Variants in MUC17 observed in about 807,000 individuals in gnomAD.
MUC17 encodes mucin 17, cell surface associated, also known as mucin-17.
In MUC17, 190 loss-of-function variants were observed where a neutral mutation model predicts 170.3. The observed-to-expected ratio is 1.12, with a 90% confidence interval of 0.99 to 1.26. The LOEUF (loss-of-function observed/expected upper bound fraction) is 1.26. Ranked by LOEUF, MUC17 falls within the 50% of genes most tolerant of loss-of-function variation. The pLI is 0.00. For synonymous variants in MUC17, 2,325 were observed against 2,002.5 expected, an observed-to-expected ratio of 1.16 and a Z score of -4.30; for missense variants, 6,415 against 5,530.0, an observed-to-expected ratio of 1.16 and a Z score of -5.08.
Position 101,040,309 on chromosome 7 carries a change from G to A in MUC17, c.8893G>A (p.Ala2965Thr), listed in dbSNP as rs1376424050. The A allele has an allele frequency of 6.2e-7, 1 of 1,612,094 alleles. No individual in the cohort carries two copies. Among genetic ancestry groups the A allele is most frequent in the South Asian group, 1.1e-5 (1 of 90,868 alleles). ...GACACCTGTCACCACTTCTGCTGAA[G>A]CTAGTTCTTCTCCTACAACTGCTGA... Reference protein sequence around the residue: ...TRTPVTTSAEASSSPTTAEGT... With the variant: ...TRTPVTTSAETSSSPTTAEGT... Residue 2965 changes from alanine to threonine, a missense_variant, in exon 3 of 13, where the codon GCT becomes ACT. Coordinates refer to ENST00000306151, the MANE Select transcript of MUC17 (RefSeq NM_001040105.2).
chr7:101,028,341 G>A (rs189951103), intron 1 of MUC17, among the ~76,000 whole-genome samples: 5 of 151,818 alleles, frequency 3.3e-5, no homozygotes, highest in Admixed American at 6.6e-5. Flanking sequence ...TGCCCGCCTC[G>A]GCCTCTCAAA....
intron 7 of MUC17, among the ~76,000 whole-genome samples, chr7:101,051,364 C>CAAAAAAAA (rs398005597): frequency 5.8e-5 from 3 of 52,146 alleles, no homozygotes; most frequent in African/African-American, 8.9e-5. Flanking sequence ...TACTCCATCT[C>CAAAAAAAA]AAAAAAAAAA....
At chr7:101,048,676 A>G (rs1794883951) in intron 4 of MUC17, among the ~76,000 whole-genome samples, 169 bp from the exon 5 acceptor site, 1 of 152,058 alleles carries the variant, frequency 6.6e-6, no homozygotes, top group African/African-American at 2.4e-5. Context: ...GAAAATGAAT[A>G]AAAAGGAAAG....
At chr7:101,046,463 T>C (rs1794843046) in intron 3 of MUC17, among the ~76,000 whole-genome samples, 1 of 152,194 alleles carries the variant, frequency 6.6e-6, no homozygotes, top group African/African-American at 2.4e-5. Flanking sequence ...GGAGTTTATT[T>C]GTTGAATTGC....
rs1474321585 is a variant in MUC17, at chr7:101,037,722, T to C, written c.6306T>C (p.Pro2102=). 1 of 1,613,474 alleles carries C rather than the reference T, an allele frequency of 6.2e-7. No homozygotes were observed. The highest frequency in any genetic ancestry group is 8.5e-7 in the Non-Finnish European group (1 of 1,179,836). ...MTISAPSEGS[P]LLTSIPLSTT... is the part of the protein sequence containing the mutation. The stretch of plus-strand genomic sequence containing the variant: ...TCTCAGCTCCTAGTGAAGGAAGTCC[T>C]CTACTAACAAGTATACCTCTCAGCA... Residue 2102 remains proline, a synonymous_variant, in exon 3 of 13, where the codon CCT becomes CCC. Coordinates refer to ENST00000306151, the MANE Select transcript of MUC17 (RefSeq NM_001040105.2).
rs748795389 is a variant in MUC17, at chr7:101,049,393, G to A, written c.12722+11G>A. ...CATCACAAAGCTACGGTAAGTGTCT[G>A]GGCCCTTGGGAAGAGGGTCTGTGGC... On this transcript the variant is annotated intron_variant, in intron 6 of 12. Coordinates refer to ENST00000306151, the MANE Select transcript of MUC17 (RefSeq NM_001040105.2). The A allele has an allele frequency of 1.9e-6, 3 of 1,610,098 alleles. No homozygotes were observed. The highest frequency in any genetic ancestry group is 1.1e-5 in the South Asian group (1 of 90,272).
At chr7:101,027,352 G>A (rs1020121596) in intron 1 of MUC17, among the ~76,000 whole-genome samples, 3 of 151,908 alleles carry the variant, frequency 2.0e-5, no homozygotes, top group African/African-American at 7.3e-5. Context: ...GGCTGGTCTC[G>A]AACTCCTGGT....
At position 101,032,815 on chromosome 7, in the gene MUC17, T is replaced by C. The variant is rs1044046774; in HGVS notation, c.1399T>C (p.Ser467Pro). The C allele has an allele frequency of 4.3e-6, 7 of 1,613,774 alleles. No individual in the cohort carries two copies. Among genetic ancestry groups the C allele is most frequent in the Non-Finnish European group, 5.1e-6 (6 of 1,179,994 alleles). ...MPVSTTPVAS[S>P]EASNLSTTPV... ...TGTCAGCACCACTCCAGTGGCCAGT[T>C]CTGAGGCTAGCAACCTTTCAACAAC... The change falls in exon 3 of 13, where the codon TCT (serine) becomes CCT (proline). Residue 467 changes from serine (S) to proline (P), a missense_variant. Coordinates refer to ENST00000306151, the MANE Select transcript of MUC17 (RefSeq NM_001040105.2).
chr7:101,040,636 A>G lies in MUC17; in HGVS notation c.9220A>G (p.Asn3074Asp). 6.2e-7 allele frequency: 1 copy of G among 1,612,244 alleles called. No homozygotes were observed. The highest frequency in any genetic ancestry group is 8.5e-7 in the Non-Finnish European group (1 of 1,179,062). ...STLSTTPVDS[N>D]SPVVTSTEVS... ...CCTTTCAACAACTCCTGTTGACTCCAACAGTCCTGTGGTCACTTCTACTGA... is the reference window on the plus strand; with the variant it reads ...CCTTTCAACAACTCCTGTTGACTCCGACAGTCCTGTGGTCACTTCTACTGA... Residue 3074 changes from asparagine (N) to aspartate (D), a missense_variant, in exon 3 of 13, where the codon AAC (asparagine) becomes GAC (aspartate). By Grantham distance (23) the Asn-to-Asp change is conservative. Transcript: ENST00000306151.
rs767682613 is a variant in MUC17 at position 101,050,561 on chromosome 7, A to G, written c.12800A>G (p.Asn4267Ser). The change falls in exon 7 of 13, where the codon AAT becomes AGT. Residue 4267 changes from asparagine (N) to serine (S), a missense_variant. Transcript: ENST00000306151. ...YTPEYKTVLD[N>S]ATEVVKEKIT... is the part of the protein sequence containing the mutation. ...CCAGAATACAAGACAGTATTGGACA[A>G]TGCCACCGAAGTAGTGAAAGAGAAA... 1 of 1,614,234 alleles carries G rather than the reference A, an allele frequency of 6.2e-7. No homozygotes were observed. The highest frequency in any genetic ancestry group is 8.5e-7 in the Non-Finnish European group (1 of 1,180,024).
chr7:101,049,921 G>A (rs544157779), intron 6 of MUC17, among the ~76,000 whole-genome samples: 178 of 152,130 alleles, frequency 1.2e-3, no homozygotes, highest in Non-Finnish European at 2.0e-3. Flanking sequence ...ATTTGAGGCC[G>A]GGAGCACAAG....
At chr7:101,020,795 G>C (rs1177468463) in intron 1 of MUC17, among the ~76,000 whole-genome samples, 6 of 152,166 alleles carry the variant, frequency 3.9e-5, no homozygotes, top group African/African-American at 1.4e-4. Context: ...CTCCCCAAAA[G>C]ACAAGGCATT....
chr7:101,053,856 G>A (rs1795000477), intron 11 of MUC17, among the ~76,000 whole-genome samples: 1 of 150,654 alleles, frequency 6.6e-6, no homozygotes, highest in South Asian at 2.1e-4. Context: ...CTCCAGCCTG[G>A]GCAACAAGCA....
chr7:101,038,404 A>G lies in MUC17; in HGVS notation c.6988A>G (p.Thr2330Ala). The G allele has an allele frequency of 6.2e-7, 1 of 1,613,864 alleles. No individual in the cohort carries two copies. Among genetic ancestry groups the G allele is most frequent in the Non-Finnish European group, 8.5e-7 (1 of 1,179,988 alleles). The change falls in exon 3 of 13, where the codon ACC becomes GCC. Residue 2330 changes from threonine to alanine, a missense_variant. By Grantham distance (58) the Thr-to-Ala change is moderately conservative (BLOSUM62 0). Coordinates refer to ENST00000306151, the MANE Select transcript of MUC17 (RefSeq NM_001040105.2). Reference sequence around the variant, plus strand: ...CACTGCTGAAGGTACCAGCATGCCAACCTCAACTTCTAGTGAAGGAAACAC... The same window carrying G: ...CACTGCTGAAGGTACCAGCATGCCAGCCTCAACTTCTAGTGAAGGAAACAC... ...PPTAEGTSMP[T>A]STSSEGNTPL...
rs1794565717 is a variant in MUC17 at position 101,038,425 on chromosome 7, A to C, written c.7009A>C (p.Asn2337His). Residue 2337 changes from asparagine (N) to histidine (H), a missense_variant, in exon 3 of 13, where the codon AAC becomes CAC. Transcript: ENST00000306151. ...SMPTSTSSEG[N>H]TPLTRMPVST... is the part of the protein sequence containing the mutation. ...GCCAACCTCAACTTCTAGTGAAGGA[A>C]ACACTCCATTAACACGTATGCCTGT... 6.2e-7 allele frequency: 1 copy of C among 1,613,756 alleles called. No individual in the cohort carries two copies. The highest frequency in any genetic ancestry group is 1.3e-5 in the African/African-American group (1 of 74,826).
In MUC17 at chr7:101,041,800, A is replaced by T; in HGVS notation, c.10384A>T (p.Ile3462Phe). 2 of 1,613,526 alleles carry T rather than the reference A, an allele frequency of 1.2e-6. No homozygotes were observed. Among genetic ancestry groups the T allele is most frequent in the Non-Finnish European group, 8.5e-7 (1 of 1,179,918 alleles). The change falls in exon 3 of 13, where the codon ATT becomes TTT. Residue 3462 changes from isoleucine (I) to phenylalanine (F), a missense_variant. Transcript: ENST00000306151. ...TAGTGAAGGAAGCACTCCATTATCA[A>T]TTATGCCTCTCAGTACCACGCCGGT... is the stretch of plus-strand genomic sequence containing the variant. Reference protein sequence around the residue: ...TTSEGSTPLSIMPLSTTPVAS... With the variant: ...TTSEGSTPLSFMPLSTTPVAS...
chr7:101,025,689 G>T (rs1045833018), intron 1 of MUC17, among the ~76,000 whole-genome samples: 5 of 151,954 alleles, frequency 3.3e-5, no homozygotes, highest in African/African-American at 1.2e-4. Context: ...AGCTACTCAG[G>T]AGGCTGAGGC....
chr7:101,053,031 C>G lies in MUC17; in HGVS notation c.13149C>G (p.Asn4383Lys), dbSNP rs1231722599. 1 of 1,614,132 alleles carries G rather than the reference C, an allele frequency of 6.2e-7. No individual in the cohort carries two copies. Among genetic ancestry groups the G allele is most frequent in the Admixed American group, 1.7e-5 (1 of 60,014 alleles). ...ACTGGTACAGTGGGGAGACCTGTAA[C>G]CAGGGCACCCAGAAGAGTCTGGTGT... ...ETHWYSGETCNQGTQKSLVYG... is the reference protein window; with the variant it reads ...ETHWYSGETCKQGTQKSLVYG... The change falls in exon 10 of 13, where the codon AAC becomes AAG. Residue 4383 changes from asparagine (N) to lysine (K), a missense_variant. By Grantham distance (94) the Asn-to-Lys change is moderately conservative. Transcript: ENST00000306151.
intron 11 of MUC17, among the ~76,000 whole-genome samples, chr7:101,055,877 G>A (rs563063282): frequency 9.9e-5 from 15 of 152,148 alleles, no homozygotes; most frequent in Middle Eastern, 3.4e-3. Context: ...CAAAAATCCC[G>A]TATCTTTGGA....
Sources: gnomAD v4.1 joint callset for allele counts (sites outside exome capture counted in the v4.1 genomes callset) on GRCh38, gnomAD v4.1.1 for gene constraint, MANE v1.5 for transcripts, NCBI Gene and HGNC (gene_info 2026-07-23, HGNC 2026-07-21) for gene names.